NELL2: variants seen among roughly 807,000 people sequenced by gnomAD.
The protein encoded by NELL2 is protein kinase C-binding protein NELL2.
In NELL2, 41 loss-of-function variants were observed where a neutral mutation model predicts 109.6. The ratio of observed to expected loss-of-function variants is 0.37; its 90% CI spans 0.29 to 0.49. The LOEUF is 0.49. NELL2 is among the 20% of genes least tolerant of loss of function. The pLI is 0.98. For synonymous variants in NELL2, 355 were observed against 344.7 expected (o/e 1.03, Z -0.33); for missense variants, 900 against 1,008.3 (o/e 0.89, Z 1.45).
At chr12:44,519,541 G>A (rs972073780) in intron 19 of NELL2, among the ~76,000 whole-genome samples, 27 of 152,232 alleles carry the variant, frequency 1.8e-4, no homozygotes, top group Admixed American at 5.2e-4. Context: ...AACAAACCAA[G>A]AAATATGCCC....
At chr12:44,567,109 C>T (rs1943692368) in intron 15 of NELL2, among the ~76,000 whole-genome samples, 1 of 152,100 alleles carries the variant, frequency 6.6e-6, no homozygotes, top group African/African-American at 2.4e-5. Flanking sequence ...TGCGTCTGGC[C>T]TACTATATGC....
chr12:44,856,251 A>T (rs556576957), intron 2 of NELL2, among the ~76,000 whole-genome samples: 1 of 152,362 alleles, frequency 6.6e-6, no homozygotes, highest in South Asian at 2.1e-4. Context: ...AGGCAGATTA[A>T]ATTCCTTCCT....
At chr12:44,613,136 A>C (rs1245626952) in intron 13 of NELL2, among the ~76,000 whole-genome samples, 1 of 152,026 alleles carries the variant, frequency 6.6e-6, no homozygotes, top group Admixed American at 6.6e-5. Flanking sequence ...ATTACAATAA[A>C]ATGTCACGTA....
chr12:44,557,786 G>T (rs1943313049), intron 15 of NELL2, among the ~76,000 whole-genome samples: 1 of 152,168 alleles, frequency 6.6e-6, no homozygotes, highest in Non-Finnish European at 1.5e-5. Context: ...GGATGGAATT[G>T]TAAAGGGGAG....
chr12:44,707,831 T>C (rs774197158), intron 11 of NELL2, among the ~76,000 whole-genome samples: 56 of 152,194 alleles, frequency 3.7e-4, no homozygotes, highest in Non-Finnish European at 6.5e-4. Context: ...TAGTAACATA[T>C]ACATAGCACA....
rs1005147135 is a variant in NELL2 at position 44,508,608 on chromosome 12, C to T, written c.*326G>A. On this transcript the variant is annotated 3_prime_UTR_variant, in exon 20 of 20. Coordinates refer to ENST00000429094, the MANE Select transcript of NELL2 (RefSeq NM_001145108.2). ...CTGATCTAGAGGAAAATTTTCTGCA[C>T]CAGTGAAGCTAGAGGCTTTCACAGA... The T allele has an allele frequency of 4.9e-6, 1 of 204,818 alleles. No individual in the cohort carries two copies. 12.7% of individuals were successfully genotyped at this position (204,818 alleles called of 1,614,324 possible). A position where few individuals can be genotyped will look rare whatever the true frequency, so the allele number is the denominator to read the frequency against.
At chr12:44,893,752 C>T (rs1945562620) in intron 1 of NELL2, among the ~76,000 whole-genome samples, 1 of 152,114 alleles carries the variant, frequency 6.6e-6, no homozygotes, top group Admixed American at 6.6e-5. Context: ...ATGTAGCATC[C>T]TAAATAATGA....
chr12:44,605,800 C>A (rs959303872), intron 15 of NELL2, among the ~76,000 whole-genome samples: 1 of 152,040 alleles, frequency 6.6e-6, no homozygotes, highest in Non-Finnish European at 1.5e-5. Context: ...ATTCAGGAAG[C>A]CTTGTGATCA....
rs73096363 is a variant in NELL2, at chr12:44,552,800, G to A, written c.1664-20079C>T. 1.6e-3 allele frequency among the ~76,000 whole-genome samples: 248 copies of A among 152,214 alleles called. 1 individual carries two copies. The highest frequency in any genetic ancestry group is 2.6e-3 in the Non-Finnish European group (180 of 68,010). On this transcript the variant is annotated intron_variant, in intron 15 of 19. Coordinates refer to ENST00000429094, the MANE Select transcript of NELL2 (RefSeq NM_001145108.2). ...GCACTCTCTCTTTCAATGTCTTAAAGTTGTTGCTGTGACTTTCAAATTTTA... is the reference window on the plus strand; with the variant it reads ...GCACTCTCTCTTTCAATGTCTTAAAATTGTTGCTGTGACTTTCAAATTTTA...
At chr12:44,679,297 C>T (rs1217100744) in intron 12 of NELL2, among the ~76,000 whole-genome samples, 1 of 152,058 alleles carries the variant, frequency 6.6e-6, no homozygotes, top group Non-Finnish European at 1.5e-5. Context: ...AGGAAGTCAT[C>T]TGTCAGGAAT....
At chr12:44,802,475 G>A (rs114625941) in intron 3 of NELL2, among the ~76,000 whole-genome samples, 2,204 of 152,024 alleles carry the variant, frequency 0.014, 53 homozygotes, top group African/African-American at 0.05. Context: ...TTTCATAAAC[G>A]TATGTGATAT....
Position 44,574,208 on chromosome 12 carries a change from G to C in NELL2, c.1663+32961C>G, listed in dbSNP as rs371784412. Among the ~76,000 whole-genome samples, 25 of 152,090 alleles carry C rather than the reference G, an allele frequency of 1.6e-4. No homozygotes were observed. In the East Asian group the frequency reaches 2.5e-3, roughly 15 times the overall value. ...AACCTCCAGCCCCCTGGGTTTAAGT[G>C]AACCTGCCTCAGTCTCCCGAGTAGC... On this transcript the variant is annotated intron_variant, in intron 15 of 19. Transcript: ENST00000429094.
chr12:44,617,709 A>G (rs1229285997), intron 13 of NELL2, among the ~76,000 whole-genome samples: 3 of 103,630 alleles, frequency 2.9e-5, no homozygotes, highest in African/African-American at 6.4e-5. Context: ...AAAAAAAAAA[A>G]AAAAGAAAAA....
intron 13 of NELL2, among the ~76,000 whole-genome samples, chr12:44,656,716 T>G (rs1056645502): frequency 1.3e-5 from 2 of 152,250 alleles, no homozygotes; most frequent in African/African-American, 4.8e-5. Flanking sequence ...CTATCTACTC[T>G]GTCATTGTCC....
chr12:44,666,555 C>T (rs1316814360), intron 12 of NELL2, among the ~76,000 whole-genome samples: 1 of 152,148 alleles, frequency 6.6e-6, no homozygotes, highest in Admixed American at 6.5e-5. Flanking sequence ...ACTACAGGGG[C>T]CATGTCATTT....
chr12:44,892,816 A>G (rs540530251), intron 1 of NELL2, among the ~76,000 whole-genome samples: 5 of 151,352 alleles, frequency 3.3e-5, no homozygotes, highest in African/African-American at 7.2e-5. Context: ...AAAAAAAAAA[A>G]AAAGAAACCA....
intron 17 of NELL2, 59 bp from the exon 18 acceptor site, chr12:44,522,235 A>T: frequency 6.9e-7 from 1 of 1,441,336 alleles, no homozygotes; most frequent in South Asian, 1.2e-5. Flanking sequence ...TAACACGCAC[A>T]CACACACACG....
chr12:44,677,805 T>A (rs1372869087), intron 12 of NELL2, among the ~76,000 whole-genome samples: 1 of 152,090 alleles, frequency 6.6e-6, no homozygotes, highest in East Asian at 1.9e-4. Flanking sequence ...CCTTCTTTTT[T>A]AACTAAACAA....
At chr12:44,597,039 T>C (rs559927045) in intron 15 of NELL2, among the ~76,000 whole-genome samples, 2 of 152,324 alleles carry the variant, frequency 1.3e-5, no homozygotes, top group African/African-American at 4.8e-5. Context: ...TTAAGTGTCC[T>C]TAGCATTTCG....
Sources: allele counts gnomAD v4.1 joint callset (sites outside exome capture counted in the v4.1 genomes callset), GRCh38; gene constraint gnomAD v4.1.1; transcripts MANE v1.5; gene names NCBI Gene and HGNC (gene_info 2026-07-23, HGNC 2026-07-21).